The following MYLK4 variants were observed in gnomAD, a reference collection of about 807,000 sequenced individuals.
The protein encoded by MYLK4 is caMLCK like.
MYLK4 carries 46 observed loss-of-function variants against 48.1 expected under a neutral mutation model. That is an observed-to-expected ratio of 0.96 (90% CI 0.75 to 1.22). MYLK4 has a LOEUF of 1.22. MYLK4 is among the 50% of genes most tolerant of loss of function. MYLK4 has a pLI of 0.00. For missense variants in MYLK4, 451 were observed against 486.1 expected (o/e 0.93, Z 0.68); for synonymous variants, 170 against 180.8 (o/e 0.94, Z 0.48).
At chr6:2,752,020 A>C (rs1355869968), upstream of MYLK4, among the ~76,000 whole-genome samples, 1 of 152,194 alleles carries the variant, frequency 6.6e-6, no homozygotes, top group Non-Finnish European at 1.5e-5. Context: ...AGAAGTACTG[A>C]TAAGGCAACA....
chr6:2,759,899 A>T, the MYLK4 span, among the ~76,000 whole-genome samples: 2 of 152,234 alleles, frequency 1.3e-5, no homozygotes, highest in African/African-American at 4.8e-5. Flanking sequence ...CAGAGAACTG[A>T]TCTTTCCAAT....
At chr6:2,767,137 C>T in the MYLK4 span, among the ~76,000 whole-genome samples, 1 of 152,172 alleles carries the variant, frequency 6.6e-6, no homozygotes, top group African/African-American at 2.4e-5. Context: ...GTGTCCAGTT[C>T]TGTGTCCCTT....
chr6:2,682,553 AG>A (rs1582036851), intron 7 of MYLK4, among the ~76,000 whole-genome samples: 2 of 152,164 alleles, frequency 1.3e-5, no homozygotes, highest in East Asian at 3.8e-4. Flanking sequence ...TCTATTCCAC[AG>A]GGCAGCAAAC....
rs1284170200 is a variant in MYLK4, at chr6:2,679,216, G to A, written c.887+64C>T. 2.4e-5 allele frequency: 38 copies of A among 1,592,344 alleles called. 1 individual carries two copies. In the South Asian group the frequency reaches 2.5e-4, roughly 10 times the overall value. On this transcript the variant is annotated intron_variant, in intron 9 of 12. Transcript: ENST00000274643. ...CCCAATTGGGGCTTTTATTTAAAACGGCAAAACCTCAGAAAATATGCATGG... is the reference window on the plus strand; with the variant it reads ...CCCAATTGGGGCTTTTATTTAAAACAGCAAAACCTCAGAAAATATGCATGG...
chr6:2,766,222 C>A, the MYLK4 span: 2 of 1,490,018 alleles, frequency 1.3e-6, no homozygotes, highest in Non-Finnish European at 9.0e-7. Context: ...CCACCGCCTT[C>A]GGGGCCAGTG....
intron 2 of MYLK4, among the ~76,000 whole-genome samples, chr6:2,721,105 G>A (rs1183145727): frequency 6.6e-6 from 1 of 152,128 alleles, no homozygotes; most frequent in African/African-American, 2.4e-5. Flanking sequence ...AGGTTGCAGT[G>A]AGCCAAGATC....
At chr6:2,769,789 A>G in the MYLK4 span, among the ~76,000 whole-genome samples, 1 of 152,226 alleles carries the variant, frequency 6.6e-6, no homozygotes, top group Non-Finnish European at 1.5e-5. Context: ...CATATAAGCT[A>G]TGTGCCAGTT....
At chr6:2,735,491 C>T (rs1305128614) in intron 2 of MYLK4, among the ~76,000 whole-genome samples, 1 of 152,174 alleles carries the variant, frequency 6.6e-6, no homozygotes, top group East Asian at 1.9e-4. Flanking sequence ...TAATCATTAT[C>T]CTCACTTCTA....
At chr6:2,697,780 C>T (rs1429467385) in intron 2 of MYLK4, among the ~76,000 whole-genome samples, 4 of 152,244 alleles carry the variant, frequency 2.6e-5, no homozygotes, top group African/African-American at 9.6e-5. Flanking sequence ...GTTACTGCAG[C>T]GTTCTCAATG....
At chr6:2,751,819 TAATG>T (rs1230753735), upstream of MYLK4, among the ~76,000 whole-genome samples, 2 of 152,230 alleles carry the variant, frequency 1.3e-5, no homozygotes, top group African/African-American at 4.8e-5. Flanking sequence ...TATGTAGTAT[TAATG>T]AATTACAGCA....
rs192867426 is a variant in MYLK4, at chr6:2,715,394, C to T, written c.160-22535G>A. 2.2e-4 allele frequency among the ~76,000 whole-genome samples: 33 copies of T among 152,166 alleles called. No homozygotes were observed. In the East Asian group the frequency reaches 4.6e-3, roughly 21 times the overall value. ...TGAATTGGACACTTAATGGTTAAAA[C>T]GGTATTTTATGTTATGTGTCTTTTA... On this transcript the variant is annotated intron_variant, in intron 2 of 12. Transcript: ENST00000274643.
rs1490105746 is a variant in MYLK4 at position 2,750,763 on chromosome 6, G to C, written c.-140C>G. ...TTGATAGGATCACATCGAAGAGCTTGAGCCACTCCAAGTCTAGAGCATACA... is the reference window on the plus strand; with the variant it reads ...TTGATAGGATCACATCGAAGAGCTTCAGCCACTCCAAGTCTAGAGCATACA... On this transcript the variant is annotated 5_prime_UTR_variant, in exon 1 of 13. Transcript: ENST00000274643. The C allele has an allele frequency of 6.6e-6, 1 of 152,306 alleles. No homozygotes were observed. The highest frequency in any genetic ancestry group is 2.4e-5 in the African/African-American group (1 of 41,450). The allele number at this position is 152,306 out of a possible 1,614,324, so 9.4% of individuals were successfully genotyped here. A position where few individuals can be genotyped will look rare whatever the true frequency, so the allele number is the denominator to read the frequency against.
intron 2 of MYLK4, among the ~76,000 whole-genome samples, chr6:2,706,582 T>C (rs895884635): frequency 1.8e-4 from 27 of 152,228 alleles, no homozygotes; most frequent in African/African-American, 6.5e-4. Flanking sequence ...AAAACTGTAT[T>C]AGCACCTGTG....
chr6:2,766,204 C>T, the MYLK4 span: 2 of 1,441,138 alleles, frequency 1.4e-6, no homozygotes, highest in Non-Finnish European at 1.8e-6. Context: ...CGGACGCTGC[C>T]GAAGCCGCCA....
At chr6:2,720,500 C>T (rs1763031758) in intron 2 of MYLK4, among the ~76,000 whole-genome samples, 1 of 151,880 alleles carries the variant, frequency 6.6e-6, no homozygotes, top group Non-Finnish European at 1.5e-5. Flanking sequence ...AAAAATTACT[C>T]ATTGATATTA....
intron 2 of MYLK4, among the ~76,000 whole-genome samples, chr6:2,700,226 T>G (rs899004588): frequency 6.6e-6 from 1 of 152,144 alleles, no homozygotes; most frequent in Non-Finnish European, 1.5e-5. Flanking sequence ...CCCACCTGTT[T>G]TTGTTATCCA....
At chr6:2,750,131 A>T (rs1042919780) in intron 1 of MYLK4, among the ~76,000 whole-genome samples, 14 of 152,288 alleles carry the variant, frequency 9.2e-5, no homozygotes, top group African/African-American at 3.4e-4. Context: ...AGAGGGAGAG[A>T]CATTTGAATT....
intron 2 of MYLK4, among the ~76,000 whole-genome samples, chr6:2,739,574 A>G (rs752296431): frequency 3.9e-5 from 6 of 152,206 alleles, no homozygotes; most frequent in Non-Finnish European, 8.8e-5. Context: ...GGCAGCCATG[A>G]GTCATGGATT....
intron 2 of MYLK4, among the ~76,000 whole-genome samples, chr6:2,696,728 C>G (rs1762074914): frequency 6.6e-6 from 1 of 152,216 alleles, no homozygotes; most frequent in African/African-American, 2.4e-5. Context: ...CAATTGGACA[C>G]ATATAAAAGT....
Sources: gnomAD v4.1 joint callset for allele counts (sites outside exome capture counted in the v4.1 genomes callset) on GRCh38, gnomAD v4.1.1 for gene constraint, MANE v1.5 for transcripts, NCBI Gene and HGNC (gene_info 2026-07-23, HGNC 2026-07-21) for gene names.